Variants in ZBTB20 observed in about 807,000 individuals in gnomAD.
ZBTB20 encodes zinc finger and BTB domain-containing protein 20.
ZBTB20 carries 9 observed loss-of-function variants against 56.9 expected under a neutral mutation model. That is an observed-to-expected ratio of 0.16 (90% CI 0.10 to 0.28). The LOEUF (loss-of-function observed/expected upper bound fraction) is 0.28, where lower values mean the gene tolerates loss of function less well. Ranked by LOEUF, ZBTB20 falls within the 10% of genes least tolerant of loss-of-function variation. ZBTB20 has a pLI of 1.00. For missense variants in ZBTB20, 655 were observed against 1,003.0 expected (o/e 0.65, Z 4.69); for synonymous variants, 417 against 420.7 (o/e 0.99, Z 0.11).
At chr3:114,831,087 C>CTTTTTTTTTTTTTTTTTT (rs57265260) in intron 4 of ZBTB20, among the ~76,000 whole-genome samples, 13 of 55,568 alleles carry the variant, frequency 2.3e-4, no homozygotes, top group Non-Finnish European at 3.0e-4. Context: ...TTTCTTTCTT[C>CTTTTTTTTTTTTTTTTTT]TTTTTTTTTT....
intron 4 of ZBTB20, among the ~76,000 whole-genome samples, chr3:114,859,269 ATTCTTCCTTCCTTCCT>A (rs1390492250): frequency 1.5e-4 from 2 of 13,696 alleles, no homozygotes; most frequent in African/African-American, 2.0e-4. Context: ...CCTTCCTTCC[ATTCTTCCTTCCTTCCT>A]TTCTTCCTTC....
intron 6 of ZBTB20, among the ~76,000 whole-genome samples, chr3:114,575,240 T>C (rs939995895): frequency 6.6e-6 from 1 of 152,222 alleles, no homozygotes; most frequent in African/African-American, 2.4e-5. Flanking sequence ...TCTGTTGTTA[T>C]GTATAAAAGA....
At chr3:114,642,925 A>T (rs1435105802) in intron 6 of ZBTB20, among the ~76,000 whole-genome samples, 1 of 152,088 alleles carries the variant, frequency 6.6e-6, no homozygotes. Context: ...AGGATGCAGT[A>T]TTTCTCTATG....
intron 2 of ZBTB20, among the ~76,000 whole-genome samples, chr3:115,043,266 A>G (rs1010389344): frequency 1.8e-4 from 27 of 152,142 alleles, no homozygotes; most frequent in African/African-American, 4.8e-4. Flanking sequence ...TTTGTTTAAA[A>G]AGTAGTTGAA....
intron 10 of ZBTB20, 59 bp from the exon 11 acceptor site, chr3:114,351,937 T>C (rs1342220134): frequency 1.3e-6 from 2 of 1,545,362 alleles, no homozygotes; most frequent in East Asian, 4.5e-5. Context: ...CTGGTTGCAT[T>C]CCTAACACCT....
intron 5 of ZBTB20, among the ~76,000 whole-genome samples, chr3:114,710,087 A>G (rs528343003): frequency 2.1e-4 from 32 of 152,316 alleles, no homozygotes; most frequent in Admixed American, 4.6e-4. Flanking sequence ...ATATGAAACA[A>G]TAATTTGTTT....
chr3:114,766,554 T>C (rs2068807569), intron 5 of ZBTB20, among the ~76,000 whole-genome samples: 1 of 150,246 alleles, frequency 6.7e-6, no homozygotes, highest in Non-Finnish European at 1.5e-5. Flanking sequence ...TTACTGCAGG[T>C]AGGTCAATGA....
intron 7 of ZBTB20, among the ~76,000 whole-genome samples, chr3:114,486,186 G>A (rs1164402338): frequency 8.2e-6 from 1 of 121,876 alleles, no homozygotes; most frequent in African/African-American, 3.1e-5. Context: ...TCAGATCTTT[G>A]AAACTGTTTT....
chr3:114,989,043 C>G (rs951052364), intron 2 of ZBTB20, among the ~76,000 whole-genome samples: 1 of 151,944 alleles, frequency 6.6e-6, no homozygotes, highest in Non-Finnish European at 1.5e-5. Flanking sequence ...TTCTCCCATT[C>G]TGTAGGTTGC....
intron 6 of ZBTB20, among the ~76,000 whole-genome samples, chr3:114,581,017 C>T (rs970777602): frequency 3.4e-4 from 51 of 151,860 alleles, no homozygotes; most frequent in Middle Eastern, 3.4e-3. Context: ...GGTAGAGAGA[C>T]TTATCTTACC....
intron 2 of ZBTB20, among the ~76,000 whole-genome samples, chr3:115,057,843 C>T (rs1025396137): frequency 1.6e-4 from 24 of 151,938 alleles, no homozygotes; most frequent in Non-Finnish European, 2.4e-4. Flanking sequence ...TATATTAGTC[C>T]GTTCTCATGC....
At chr3:114,718,246 A>T (rs1036607612) in intron 5 of ZBTB20, among the ~76,000 whole-genome samples, 11 of 152,152 alleles carry the variant, frequency 7.2e-5, no homozygotes, top group African/African-American at 2.7e-4. Context: ...TGAGGTCTAC[A>T]TGGCAAGAAG....
chr3:114,393,362 A>AT, intron 7 of ZBTB20, among the ~76,000 whole-genome samples: 1 of 152,260 alleles, frequency 6.6e-6, no homozygotes, highest in African/African-American at 2.4e-5. Context: ...ATAAATGTAC[A>AT]TTTTAAATAT....
chr3:114,936,725 G>A (rs528382011), intron 3 of ZBTB20, among the ~76,000 whole-genome samples: 2 of 152,252 alleles, frequency 1.3e-5, no homozygotes, highest in Non-Finnish European at 2.9e-5. Flanking sequence ...GTCAATAAAA[G>A]AAAAATTCAG....
chr3:115,037,717 T>G (rs1002555926), intron 2 of ZBTB20, among the ~76,000 whole-genome samples: 1 of 152,206 alleles, frequency 6.6e-6, no homozygotes, highest in African/African-American at 2.4e-5. Flanking sequence ...GTGAACAAGT[T>G]AGTAGTCTAT....
Position 114,750,952 on chromosome 3 carries a change from C to T in ZBTB20, c.-343+50149G>A, listed in dbSNP as rs544411522. On this transcript the variant is annotated intron_variant, in intron 5 of 11. Coordinates refer to ENST00000675478, the MANE Select transcript of ZBTB20 (RefSeq NM_001348800.3). ...GTAAGATATCCTTAGGTAGCTTTTG[C>T]TTTTATTGTCATTTTCCAAAGGATT... Among the ~76,000 whole-genome samples the T allele has an allele frequency of 4.1e-4, 62 of 152,098 alleles. 1 individual carries two copies. The highest frequency in any genetic ancestry group is 6.6e-4 in the Non-Finnish European group (45 of 67,956).
At chr3:115,146,936 G>A (rs6798208) in intron 1 of ZBTB20, among the ~76,000 whole-genome samples, 16,461 of 150,874 alleles carry the variant, frequency 0.11, 2,083 homozygotes, top group African/African-American at 0.31. Context: ...CCTCCCCGCC[G>A]GGTCGGGCGA....
At chr3:114,884,449 G>T (rs1204411892) in intron 4 of ZBTB20, among the ~76,000 whole-genome samples, 4 of 152,148 alleles carry the variant, frequency 2.6e-5, no homozygotes, top group African/African-American at 9.7e-5. Flanking sequence ...ATCAGCCTGG[G>T]TCATGGTAAT....
At chr3:114,888,329 G>A (rs988418551) in intron 4 of ZBTB20, among the ~76,000 whole-genome samples, 1 of 152,030 alleles carries the variant, frequency 6.6e-6, no homozygotes, top group African/African-American at 2.4e-5. Context: ...AGCTGAGATG[G>A]GAGGACTGCC....
Sources: gnomAD v4.1 joint callset for allele counts (sites outside exome capture counted in the v4.1 genomes callset) on GRCh38, gnomAD v4.1.1 for gene constraint, MANE v1.5 for transcripts, NCBI Gene and HGNC (gene_info 2026-07-23, HGNC 2026-07-21) for gene names.